Variants in PIP4K2A observed in about 807,000 individuals in gnomAD.
PIP4K2A encodes the protein phosphatidylinositol-5-phosphate 4-kinase type 2 alpha.
A neutral mutation model predicts 42.9 loss-of-function variants in PIP4K2A; 14 were observed. That is an observed-to-expected ratio of 0.33 (90% CI 0.22 to 0.51). The LOEUF (loss-of-function observed/expected upper bound fraction) is 0.51. Among genes scored for constraint, PIP4K2A ranks in the 20% least tolerant of loss-of-function variants. The pLI is 0.97. For synonymous variants in PIP4K2A, 192 were observed against 192.2 expected, an observed-to-expected ratio of 1.00 and a Z score of 0.01; for missense variants, 434 against 519.8, an observed-to-expected ratio of 0.83 and a Z score of 1.61.
chr10:22,567,949 A>T, intron 5 of PIP4K2A, 60 bp from the exon 6 acceptor site: 1 of 1,432,634 alleles, frequency 7.0e-7, no homozygotes, highest in Non-Finnish European at 9.9e-7. Context: ...TCACACGCAG[A>T]AAATATGAAA....
At chr10:22,710,812 T>A (rs966309488) in intron 1 of PIP4K2A, among the ~76,000 whole-genome samples, 1 of 152,238 alleles carries the variant, frequency 6.6e-6, no homozygotes, top group Non-Finnish European at 1.5e-5. Flanking sequence ...AAGTTTTATG[T>A]GCTTTAAGAT....
intron 1 of PIP4K2A, among the ~76,000 whole-genome samples, chr10:22,624,247 C>A (rs1159894118): frequency 6.6e-6 from 1 of 152,152 alleles, no homozygotes; most frequent in Non-Finnish European, 1.5e-5. Context: ...AGACTAAAAA[C>A]CACATATTAC....
chr10:22,623,506 C>G (rs1838375271), intron 1 of PIP4K2A, among the ~76,000 whole-genome samples: 1 of 152,158 alleles, frequency 6.6e-6, no homozygotes, highest in South Asian at 2.1e-4. Context: ...TGCCTTTACA[C>G]AGCTTGTCTG....
intron 1 of PIP4K2A, among the ~76,000 whole-genome samples, chr10:22,636,771 T>A (rs73598585): frequency 0.022 from 3,297 of 152,264 alleles, 103 homozygotes; most frequent in African/African-American, 0.072. Context: ...GGTGTTCACA[T>A]CCTTATGCAG....
intron 1 of PIP4K2A, among the ~76,000 whole-genome samples, chr10:22,635,560 T>C (rs1278973369): frequency 6.6e-6 from 1 of 152,132 alleles, no homozygotes; most frequent in Non-Finnish European, 1.5e-5. Flanking sequence ...GGGAAAACAC[T>C]TGGATTTGGA....
At chr10:22,698,745 T>G (rs78656911) in intron 1 of PIP4K2A, among the ~76,000 whole-genome samples, 1 of 152,224 alleles carries the variant, frequency 6.6e-6, no homozygotes, top group Non-Finnish European at 1.5e-5. Flanking sequence ...TCAATGAGAT[T>G]TTTTTAAAAA....
chr10:22,710,904 T>C (rs1833900602), intron 1 of PIP4K2A, among the ~76,000 whole-genome samples: 1 of 152,248 alleles, frequency 6.6e-6, no homozygotes, highest in Admixed American at 6.5e-5. Flanking sequence ...CATTTCACTG[T>C]GGATAAAAAT....
At chr10:22,582,318 G>A (rs78435476) in intron 4 of PIP4K2A, among the ~76,000 whole-genome samples, 9,673 of 152,076 alleles carry the variant, frequency 0.064, 413 homozygotes, top group Middle Eastern at 0.15. Flanking sequence ...GGCACTCACC[G>A]AGAATAATAA....
chr10:22,620,485 C>T (rs532593389), intron 1 of PIP4K2A, among the ~76,000 whole-genome samples: 1 of 152,338 alleles, frequency 6.6e-6, no homozygotes, highest in Admixed American at 6.5e-5. Context: ...CCCCAGCACT[C>T]TTGATCTCGC....
chr10:22,664,138 T>C (rs1208732374), intron 1 of PIP4K2A, among the ~76,000 whole-genome samples: 10 of 45,786 alleles, frequency 2.2e-4, no homozygotes, highest in African/African-American at 1.7e-3. Context: ...TACATATATA[T>C]ATACATATAT....
chr10:22,694,855 CA>C (rs1839938898), intron 1 of PIP4K2A, among the ~76,000 whole-genome samples: 1 of 152,100 alleles, frequency 6.6e-6, no homozygotes, highest in Non-Finnish European at 1.5e-5. Context: ...TTATCCTTAA[CA>C]TAAACTGGAA....
intron 1 of PIP4K2A, among the ~76,000 whole-genome samples, chr10:22,660,817 CAAAAAA>C (rs1276360391): frequency 7.2e-6 from 1 of 139,646 alleles, no homozygotes; most frequent in African/African-American, 2.7e-5. Context: ...TACTTTAAAG[CAAAAAA>C]AAAAAAGTTT....
rs1554807358 is a variant in PIP4K2A at position 22,664,228 on chromosome 10, T to TATACATATATATATAC, written c.144+49954_144+49955insGTATATATATATGTAT. On this transcript the variant is annotated intron_variant, in intron 1 of 9. Transcript: ENST00000376573. ...ACATATATATATATACATATATATA[T>TATACATATATATATAC]ACACACACACACACACACACACATA... Among the ~76,000 whole-genome samples, 157 of 89,802 alleles carry TATACATATATATATAC rather than the reference T, an allele frequency of 1.7e-3. 1 individual carries two copies. The highest frequency in any genetic ancestry group is 2.1e-3 in the African/African-American group (35 of 16,464). 58.9% of individuals were successfully genotyped at this position (89,802 alleles called of 152,430 possible).
At chr10:22,628,141 A>C (rs59403140) in intron 1 of PIP4K2A, among the ~76,000 whole-genome samples, 21,829 of 152,172 alleles carry the variant, frequency 0.14, 1,880 homozygotes, top group African/African-American at 0.24. Context: ...GCCAATGATT[A>C]AGTTTCTGTT....
intron 1 of PIP4K2A, among the ~76,000 whole-genome samples, chr10:22,713,760 G>A (rs1833957792): frequency 6.6e-6 from 1 of 151,766 alleles, no homozygotes; most frequent in African/African-American, 2.4e-5. Context: ...CGCGGGCGCC[G>A]CGCGGCCCCC....
intron 1 of PIP4K2A, among the ~76,000 whole-genome samples, chr10:22,635,423 G>T (rs1413267752): frequency 6.6e-6 from 1 of 152,108 alleles, no homozygotes; most frequent in Non-Finnish European, 1.5e-5. Flanking sequence ...AAAAAATAAT[G>T]TCCATTTTAA....
intron 1 of PIP4K2A, chr10:22,661,608 C>T (rs1214123357): frequency 6.6e-6 from 1 of 152,140 alleles, no homozygotes; most frequent in East Asian, 1.9e-4. Flanking sequence ...AATGATTCTC[C>T]TGCCTCAGCC....
At chr10:22,648,642 A>T (rs150463841) in intron 1 of PIP4K2A, among the ~76,000 whole-genome samples, 161 of 152,332 alleles carry the variant, frequency 1.1e-3, no homozygotes, top group Non-Finnish European at 2.1e-3. Flanking sequence ...GAAGAACAGA[A>T]AACTGATTAA....
At chr10:22,561,590 T>C (rs1836702541) in intron 6 of PIP4K2A, among the ~76,000 whole-genome samples, 4 of 140,660 alleles carry the variant, frequency 2.8e-5, no homozygotes, top group African/African-American at 1.2e-4. Context: ...TTTTTTTTTT[T>C]TCTGAGACAG....
Sources: allele counts gnomAD v4.1 joint callset (sites outside exome capture counted in the v4.1 genomes callset), GRCh38; gene constraint gnomAD v4.1.1; transcripts MANE v1.5; gene names NCBI Gene and HGNC (gene_info 2026-07-23, HGNC 2026-07-21).